The following UBE3C variants were observed in gnomAD, a reference collection of about 807,000 sequenced individuals.
The protein encoded by UBE3C is ubiquitin-protein ligase E3C.
In UBE3C, 42 loss-of-function variants were observed where a neutral mutation model predicts 129.4. The ratio of observed to expected loss-of-function variants is 0.32; its 90% CI spans 0.25 to 0.42. The LOEUF is 0.42. UBE3C is among the 10% of genes least tolerant of loss of function. The pLI is 1.00. For missense variants in UBE3C, 1,049 were observed against 1,319.1 expected, an observed-to-expected ratio of 0.80 and a Z score of 3.17; for synonymous variants, 510 against 492.4, an observed-to-expected ratio of 1.04 and a Z score of -0.47.
rs1339569834 is a variant in UBE3C at position 157,244,566 on chromosome 7, T to G, written c.2482-3802T>G. ...GTTCACTTTAGAGCTGCCTGAAGAT[T>G]GATAGAGATGCATTTGAAAAGCATT... On this transcript the variant is annotated intron_variant, in intron 18 of 22. Transcript: ENST00000348165. Among the ~76,000 whole-genome samples, 3 of 152,220 alleles carry G rather than the reference T, an allele frequency of 2.0e-5. No homozygotes were observed. In the East Asian group the frequency reaches 5.8e-4, roughly 29 times the overall value.
Position 157,139,311 on chromosome 7 carries a change from G to T in UBE3C, c.39G>T (p.Lys13Asn). The T allele has an allele frequency of 6.3e-7, 1 of 1,584,244 alleles. No homozygotes were observed. ...SFEGDFKTRP[K>N]VSLGGASRKE... Reference sequence around the variant, plus strand: ...AAGGCGACTTCAAGACGCGGCCCAAGGTGTCCCTTGGCGGCGCGAGCAGGA... The same window carrying T: ...AAGGCGACTTCAAGACGCGGCCCAATGTGTCCCTTGGCGGCGCGAGCAGGA... The change falls in exon 1 of 23, where the codon AAG becomes AAT. Residue 13 changes from lysine (K) to asparagine (N), a missense_variant. Lys to Asn is a moderately conservative substitution (Grantham distance 94). Around this residue, in one of 4 missense-constraint regions of UBE3C, gnomAD observed 489 missense variants for 513.8 expected, o/e 0.95. Coordinates refer to ENST00000348165, the MANE Select transcript of UBE3C (RefSeq NM_014671.3).
chr7:157,225,521 A>G lies in UBE3C; in HGVS notation c.2215A>G (p.Lys739Glu). ...RNYIYEDAYD[K>E]LSPENEPDLK... ...TTACATTTATGAAGATGCTTATGAC[A>G]AACTTTCTCCAGAAAATGGTATATA... Residue 739 changes from lysine (K) to glutamate (E), a missense_variant, in exon 17 of 23, where the codon AAA (lysine) becomes GAA (glutamate). This residue lies in a region of UBE3C where 314 missense variants were observed against 416.9 expected (regional missense o/e 0.75). Transcript: ENST00000348165. 6.3e-7 allele frequency: 1 copy of G among 1,590,152 alleles called. No individual in the cohort carries two copies. The highest frequency in any genetic ancestry group is 8.5e-7 in the Non-Finnish European group (1 of 1,173,608).
At chr7:157,169,373 CTT>C (rs3039755) in intron 3 of UBE3C, among the ~76,000 whole-genome samples, 19 of 142,410 alleles carry the variant, frequency 1.3e-4, no homozygotes, top group Admixed American at 2.1e-4. Flanking sequence ...ATGAGAGATC[CTT>C]TTTTTTTTTT....
chr7:157,159,264 G>A (rs1269899667), intron 1 of UBE3C, among the ~76,000 whole-genome samples: 1 of 151,882 alleles, frequency 6.6e-6, no homozygotes, highest in African/African-American at 2.4e-5. Flanking sequence ...TTTTGAATAT[G>A]GCATTTACAA....
At chr7:157,253,877 C>T (rs1054235813) in intron 19 of UBE3C, 77 bp from the exon 20 acceptor site, 3 of 1,381,246 alleles carry the variant, frequency 2.2e-6, no homozygotes, top group Admixed American at 2.5e-5. Flanking sequence ...TTCCTTAAAA[C>T]ATTTGTTTCT....
Position 157,239,291 on chromosome 7 carries a change from G to T in UBE3C, c.2481+7964G>T, listed in dbSNP as rs552208575. Among the ~76,000 whole-genome samples, 6 of 152,268 alleles carry T rather than the reference G, an allele frequency of 3.9e-5. No individual in the cohort carries two copies. The East Asian group carries it at 9.6e-4, about 24-fold the overall frequency. On this transcript the variant is annotated intron_variant, in intron 18 of 22. Transcript: ENST00000348165. ...GAACAGACTACAGCTACTCAAAATG[G>T]TATGAGTGAACGGCACAGACCTAAC...
intron 7 of UBE3C, 26 bp from the exon 8 acceptor site, chr7:157,182,082 A>G (rs1441218016): frequency 1.3e-6 from 2 of 1,532,204 alleles, no homozygotes; most frequent in Non-Finnish European, 1.7e-6. Context: ...TTGATTTTAT[A>G]AAAAGCTTCT....
chr7:157,227,325 TTGC>T (rs1164713868), intron 17 of UBE3C, among the ~76,000 whole-genome samples: 1 of 152,086 alleles, frequency 6.6e-6, no homozygotes, highest in East Asian at 1.9e-4. Flanking sequence ...TCAGGGGTAC[TTGC>T]AAGTGGGGGG....
rs765527662 is a variant in UBE3C, at chr7:157,267,574, C to T, written c.3082-11C>T. The T allele has an allele frequency of 2.5e-6, 4 of 1,612,666 alleles. No individual in the cohort carries two copies. Among genetic ancestry groups the T allele is most frequent in the African/African-American group, 2.7e-5 (2 of 74,832 alleles). Reference sequence around the variant, plus strand: ...GTTACAGTGACATCTTGCACACATGCTGTTTTTCAGGAGTTGTATCCCGCA... The same window carrying T: ...GTTACAGTGACATCTTGCACACATGTTGTTTTTCAGGAGTTGTATCCCGCA... On this transcript the variant is annotated splice_polypyrimidine_tract_variant and intron_variant, in intron 22 of 22. Coordinates refer to ENST00000348165, the MANE Select transcript of UBE3C (RefSeq NM_014671.3).
intron 13 of UBE3C, among the ~76,000 whole-genome samples, chr7:157,208,960 T>A (rs1177779759): frequency 6.6e-6 from 1 of 152,268 alleles, no homozygotes; most frequent in Non-Finnish European, 1.5e-5. Flanking sequence ...TCTCGCACAC[T>A]AATGTTCAGT....
intron 19 of UBE3C, among the ~76,000 whole-genome samples, chr7:157,251,145 A>C (rs1426772218): frequency 6.6e-6 from 1 of 152,230 alleles, no homozygotes; most frequent in Non-Finnish European, 1.5e-5. Flanking sequence ...GATCTTAAGG[A>C]TTTCTGTAGA....
chr7:157,223,081 C>T, intron 15 of UBE3C, 173 bp from the exon 16 acceptor site: 1 of 629,658 alleles, frequency 1.6e-6, no homozygotes, highest in East Asian at 2.9e-5. Flanking sequence ...CTGTGCTGAT[C>T]CTGCACTGTG....
In UBE3C at chr7:157,214,301, T is replaced by C. The variant is rs543483735; in HGVS notation, c.1810-2566T>C. On this transcript the variant is annotated intron_variant, in intron 13 of 22. Coordinates refer to ENST00000348165, the MANE Select transcript of UBE3C (RefSeq NM_014671.3). The stretch of plus-strand genomic sequence containing the variant: ...TGTAAATGAGAACTTAATTGTCTCA[T>C]ATAATTTGATAATGTTTGTAATCTG... Among the ~76,000 whole-genome samples the C allele has an allele frequency of 7.4e-4, 113 of 152,372 alleles. 3 individuals carry two copies. In the South Asian group the frequency reaches 0.016, roughly 21 times the overall value.
chr7:157,177,498 C>T (rs902355841), intron 5 of UBE3C, among the ~76,000 whole-genome samples: 1 of 152,230 alleles, frequency 6.6e-6, no homozygotes, highest in Non-Finnish European at 1.5e-5. Context: ...TATCAGCACA[C>T]ATGCTGCTGA....
intron 11 of UBE3C, among the ~76,000 whole-genome samples, chr7:157,204,418 A>AAAAAAAAAAAT (rs1809376197): frequency 1.3e-5 from 2 of 150,542 alleles, no homozygotes; most frequent in East Asian, 2.0e-4. Context: ...AAAAAAAAAA[A>AAAAAAAAAAAT]TTTCAGCTTC....
At chr7:157,144,211 G>T (rs986367365) in intron 1 of UBE3C, among the ~76,000 whole-genome samples, 1 of 152,166 alleles carries the variant, frequency 6.6e-6, no homozygotes, top group Non-Finnish European at 1.5e-5. Context: ...CGGGAGGATC[G>T]CTGGATCCCG....
chr7:157,265,567 G>A (rs1158136324), intron 22 of UBE3C, among the ~76,000 whole-genome samples: 1 of 152,128 alleles, frequency 6.6e-6, no homozygotes, highest in Non-Finnish European at 1.5e-5. Flanking sequence ...GCTGAGAGAA[G>A]TGCCCAGCAA....
At chr7:157,153,010 A>C (rs1401141730) in intron 1 of UBE3C, among the ~76,000 whole-genome samples, 1 of 152,166 alleles carries the variant, frequency 6.6e-6, no homozygotes, top group Non-Finnish European at 1.5e-5. Flanking sequence ...AGCCTAGCCA[A>C]CATGGCGAAA....
chr7:157,187,091 T>A, intron 10 of UBE3C, 70 bp downstream of exon 10: 3 of 1,488,380 alleles, frequency 2.0e-6, no homozygotes, highest in Non-Finnish European at 1.8e-6. Context: ...TGGGAATTGC[T>A]CTCCTCTTAA....
Sources: allele counts gnomAD v4.1 joint callset (sites outside exome capture counted in the v4.1 genomes callset), GRCh38; gene constraint gnomAD v4.1.1; regional missense constraint gnomAD v4.1.1; transcripts MANE v1.5; gene names NCBI Gene and HGNC (gene_info 2026-07-23, HGNC 2026-07-21).